The following NRIP1 variants were observed in gnomAD, a reference collection of about 807,000 sequenced individuals.
NRIP1 encodes the protein nuclear receptor-interacting protein 1.
A neutral mutation model predicts 75.0 loss-of-function variants in NRIP1; 28 were observed. That is an observed-to-expected ratio of 0.37 (90% CI 0.28 to 0.51). The LOEUF is 0.51. NRIP1 is among the 20% of genes least tolerant of loss of function. The pLI, the probability that NRIP1 is intolerant of heterozygous loss-of-function variation, is 0.92. For missense variants in NRIP1, 1,435 were observed against 1,343.7 expected, an observed-to-expected ratio of 1.07 and a Z score of -1.06; for synonymous variants, 526 against 487.6, an observed-to-expected ratio of 1.08 and a Z score of -1.04.
intron 3 of NRIP1, among the ~76,000 whole-genome samples, chr21:14,979,981 T>C (rs910124591): frequency 6.6e-6 from 1 of 152,178 alleles, no homozygotes; most frequent in African/African-American, 2.4e-5. Context: ...TTTTGACCCA[T>C]CTGAAACTGA....
intron 3 of NRIP1, among the ~76,000 whole-genome samples, chr21:14,973,401 T>C (rs1432829490): frequency 5.9e-5 from 9 of 152,142 alleles, no homozygotes; most frequent in Non-Finnish European, 1.5e-5. Flanking sequence ...AACATTAGGT[T>C]GGTAGATATG....
At chr21:14,998,278 C>T (rs2087777142) in intron 3 of NRIP1, among the ~76,000 whole-genome samples, 1 of 152,212 alleles carries the variant, frequency 6.6e-6, no homozygotes, top group South Asian at 2.1e-4. Flanking sequence ...ATTTATCTGA[C>T]ATGTACCGCT....
intron 2 of NRIP1, among the ~76,000 whole-genome samples, chr21:15,018,524 A>T (rs2088290061): frequency 6.6e-6 from 1 of 152,208 alleles, no homozygotes; most frequent in South Asian, 2.1e-4. Context: ...AAGTGAAGAG[A>T]ATTTCCAATA....
rs77282608 is a variant in NRIP1 at position 14,985,585 on chromosome 21, T to C, written c.-334-17059A>G. Among the ~76,000 whole-genome samples the C allele has an allele frequency of 0.017, 2,630 of 152,228 alleles. 247 individuals are homozygous for C. In the East Asian group the frequency reaches 0.28, roughly 16 times the overall value. ...GTGTGAGCCACCATGCCTGGCAAAG[T>C]ATTTTAAAAATATACATATTTTTAG... On this transcript the variant is annotated intron_variant, in intron 3 of 3. Transcript: ENST00000318948.
At chr21:15,030,783 G>A (rs1301816664) in intron 2 of NRIP1, among the ~76,000 whole-genome samples, 2 of 151,958 alleles carry the variant, frequency 1.3e-5, no homozygotes, top group Non-Finnish European at 2.9e-5. Flanking sequence ...AGGAAATGAT[G>A]ATTTAAGTTA....
intron 3 of NRIP1, among the ~76,000 whole-genome samples, chr21:15,006,794 C>A (rs1455231391): frequency 6.6e-6 from 1 of 152,136 alleles, no homozygotes; most frequent in Non-Finnish European, 1.5e-5. Context: ...CCCGAGAGTG[C>A]ACAGTGCCGG....
chr21:15,023,830 C>T (rs1396325168), intron 2 of NRIP1, among the ~76,000 whole-genome samples: 1 of 152,180 alleles, frequency 6.6e-6, no homozygotes, highest in African/African-American at 2.4e-5. Context: ...AGCTAGTGCG[C>T]TCCTGGAAAG....
intron 2 of NRIP1, among the ~76,000 whole-genome samples, chr21:15,014,817 G>A (rs527909765): frequency 4.3e-5 from 6 of 139,452 alleles, no homozygotes; most frequent in Admixed American, 1.4e-4. Context: ...CCTCCTAAAC[G>A]TGTATTTCTT....
intron 3 of NRIP1, among the ~76,000 whole-genome samples, chr21:14,994,431 G>A (rs1000854266): frequency 6.6e-6 from 1 of 152,180 alleles, no homozygotes; most frequent in Admixed American, 6.5e-5. Flanking sequence ...ATGCTATACA[G>A]AGAGTTTTCT....
intron 2 of NRIP1, among the ~76,000 whole-genome samples, chr21:15,021,423 G>A (rs569497923): frequency 2.0e-4 from 31 of 152,280 alleles, no homozygotes; most frequent in African/African-American, 7.0e-4. Flanking sequence ...AACAGAGATT[G>A]GAAATGGGCA....
intron 1 of NRIP1, among the ~76,000 whole-genome samples, chr21:15,059,328 G>C (rs1027297619): frequency 6.6e-6 from 1 of 152,136 alleles, no homozygotes; most frequent in African/African-American, 2.4e-5. Context: ...GGCAAGATGG[G>C]TTTTAATTTA....
chr21:15,019,466 A>ATT (rs2088315760), intron 2 of NRIP1, among the ~76,000 whole-genome samples: 1 of 80,836 alleles, frequency 1.2e-5, no homozygotes, highest in African/African-American at 4.4e-5. Context: ...AAACAACTGC[A>ATT]TTTCTTTTTT....
chr21:14,975,212 C>G (rs762044920), intron 3 of NRIP1, among the ~76,000 whole-genome samples: 1 of 105,366 alleles, frequency 9.5e-6, no homozygotes, highest in Non-Finnish European at 2.5e-5. Flanking sequence ...TAATCAATAG[C>G]ACCATAATCA....
At chr21:15,061,958 T>TGTC (rs2089432431) in intron 1 of NRIP1, among the ~76,000 whole-genome samples, 1 of 152,252 alleles carries the variant, frequency 6.6e-6, no homozygotes, top group African/African-American at 2.4e-5. Flanking sequence ...TTGCCTCATC[T>TGTC]GTCACCTTCT....
At chr21:14,998,224 G>C (rs1183869154) in intron 3 of NRIP1, among the ~76,000 whole-genome samples, 4 of 152,126 alleles carry the variant, frequency 2.6e-5, no homozygotes, top group Non-Finnish European at 5.9e-5. Flanking sequence ...CCCTGAACTA[G>C]GCATGTGAAT....
intron 2 of NRIP1, among the ~76,000 whole-genome samples, chr21:15,041,652 C>T (rs1041789347): frequency 2.6e-5 from 4 of 152,052 alleles, no homozygotes; most frequent in African/African-American, 9.7e-5. Flanking sequence ...TAACTATCAA[C>T]TCTATTGAAA....
chr21:14,970,553 A>G (rs9789839), intron 3 of NRIP1, among the ~76,000 whole-genome samples: 7,891 of 152,212 alleles, frequency 0.052, 658 homozygotes, highest in African/African-American at 0.17. Context: ...CTCAAAACAA[A>G]CAAAACAAAA....
chr21:15,050,924 T>C (rs749601776), intron 1 of NRIP1: 2 of 455,982 alleles, frequency 4.4e-6, no homozygotes, highest in South Asian at 1.5e-5. Flanking sequence ...GTTTAGAGCC[T>C]GTATACCTAT....
At chr21:14,994,581 G>A (rs1189356253) in intron 3 of NRIP1, among the ~76,000 whole-genome samples, 1 of 152,148 alleles carries the variant, frequency 6.6e-6, no homozygotes, top group Non-Finnish European at 1.5e-5. Context: ...TTTAAAAATA[G>A]AAATTTTCAT....
Sources: gnomAD v4.1 joint callset for allele counts (sites outside exome capture counted in the v4.1 genomes callset) on GRCh38, gnomAD v4.1.1 for gene constraint, MANE v1.5 for transcripts, NCBI Gene and HGNC (gene_info 2026-07-23, HGNC 2026-07-21) for gene names.